Variants in ITGA2 observed in about 807,000 individuals in gnomAD.
The protein encoded by ITGA2 is integrin subunit alpha 2, also known as integrin alpha-2.
ITGA2 carries 101 observed loss-of-function variants against 146.3 expected under a neutral mutation model. The observed-to-expected ratio is 0.69, with a 90% CI of 0.59 to 0.81. The LOEUF is 0.81. Among genes scored for constraint, ITGA2 ranks in the 40% least tolerant of loss-of-function variants. ITGA2 has a pLI of 0.00. For synonymous variants in ITGA2, 477 were observed against 487.1 expected, an observed-to-expected ratio of 0.98 and a Z score of 0.27; for missense variants, 1,281 against 1,402.7, an observed-to-expected ratio of 0.91 and a Z score of 1.39.
intron 27 of ITGA2, among the ~76,000 whole-genome samples, chr5:53,084,463 A>G (rs1389517389): frequency 6.6e-6 from 1 of 152,172 alleles, no homozygotes; most frequent in Non-Finnish European, 1.5e-5. Context: ...CCCTGGAGTC[A>G]AATATAAGCA....
chr5:53,062,681 A>C, intron 12 of ITGA2, 105 bp from the exon 13 acceptor site: 1 of 1,265,408 alleles, frequency 7.9e-7, no homozygotes, highest in Non-Finnish European at 1.2e-6. Flanking sequence ...TGCAAATAGT[A>C]AACACTCAAT....
intron 16 of ITGA2, among the ~76,000 whole-genome samples, chr5:53,067,515 C>T (rs1307887967): frequency 6.6e-6 from 1 of 151,830 alleles, no homozygotes; most frequent in Non-Finnish European, 1.5e-5. Context: ...CTCCTGCTTC[C>T]ATCCTTTGAG....
chr5:53,070,382 A>C, intron 17 of ITGA2, 122 bp downstream of exon 17: 1 of 836,756 alleles, frequency 1.2e-6, no homozygotes. Flanking sequence ...TGCCTTTCTT[A>C]TGTAATTCCA....
chr5:53,075,383 T>C, intron 23 of ITGA2, 79 bp downstream of exon 23: 1 of 1,038,824 alleles, frequency 9.6e-7, no homozygotes, highest in South Asian at 1.3e-5. Flanking sequence ...GCTAAAGAAG[T>C]CCTCTGTATG....
rs755231189 is a variant in ITGA2 at position 53,075,078 on chromosome 5, CT to C, written c.2685del (p.Phe895LeufsTer19). On this transcript the variant is annotated frameshift_variant, in exon 22 of 30. Coordinates refer to ENST00000296585, the MANE Select transcript of ITGA2 (RefSeq NM_002203.4). LOFTEE classifies it high-confidence loss of function. ...REQQVTFTIN[F>X]DFNLQNLQNQ... is the part of the protein sequence containing the mutation. ...GTCTTTAGGTGACTTTTACTATTAACTTTGACTTCAATCTTCAAAACCTTCA... is the reference window on the plus strand; with the variant it reads ...GTCTTTAGGTGACTTTTACTATTAACTTGACTTCAATCTTCAAAACCTTCA... The C allele has an allele frequency of 1.2e-6, 2 of 1,610,632 alleles. No individual in the cohort carries two copies. Among genetic ancestry groups the C allele is most frequent in the Non-Finnish European group, 1.7e-6 (2 of 1,178,048 alleles).
chr5:53,039,582 A>C (rs900729351), intron 2 of ITGA2, among the ~76,000 whole-genome samples: 2 of 151,754 alleles, frequency 1.3e-5, no homozygotes, highest in African/African-American at 4.8e-5. Context: ...CCTACTAAAA[A>C]TACAAAAATT....
At chr5:53,087,649 A>G (rs899510562) in intron 28 of ITGA2, among the ~76,000 whole-genome samples, 1 of 151,420 alleles carries the variant, frequency 6.6e-6, no homozygotes, top group African/African-American at 2.4e-5. Flanking sequence ...AAGCTTTTAC[A>G]GAGAAATGTA....
chr5:52,998,245 A>G (rs1315811587), intron 1 of ITGA2, among the ~76,000 whole-genome samples: 1 of 152,066 alleles, frequency 6.6e-6, no homozygotes, highest in Non-Finnish European at 1.5e-5. Context: ...TGAGGTCAGG[A>G]GTTCAAGACC....
In ITGA2 at chr5:53,048,742, G is replaced by C; in HGVS notation, c.602G>C (p.Gly201Ala). 1 of 1,613,906 alleles carries C rather than the reference G, an allele frequency of 6.2e-7. No individual in the cohort carries two copies. Among genetic ancestry groups the C allele is most frequent in the Non-Finnish European group, 8.5e-7 (1 of 1,179,896 alleles). ...VKNFLEKFVQ[G>A]LDIGPTKTQV... Reference sequence around the variant, plus strand: ...AATTTTTTGGAAAAATTTGTACAAGGCCTGGATATAGGCCCCACAAAGACA... The same window carrying C: ...AATTTTTTGGAAAAATTTGTACAAGCCCTGGATATAGGCCCCACAAAGACA... Residue 201 changes from glycine to alanine, a missense_variant, in exon 6 of 30, where the codon GGC (glycine) becomes GCC (alanine). Transcript: ENST00000296585.
rs552389760 is a variant in ITGA2 at position 52,996,855 on chromosome 5, AT to A, written c.64+7324del. On this transcript the variant is annotated intron_variant, in intron 1 of 29. Transcript: ENST00000296585. ...ATCTAGTTTAATAAAGATCCCCAAA[AT>A]AATCTTGTTAGAAATAACAGTCTCA... Among the ~76,000 whole-genome samples the A allele has an allele frequency of 1.3e-4, 20 of 152,318 alleles. 1 individual carries two copies. In the East Asian group the frequency reaches 3.1e-3, roughly 24 times the overall value.
intron 1 of ITGA2, among the ~76,000 whole-genome samples, chr5:53,004,787 G>A (rs1006493135): frequency 6.7e-5 from 10 of 148,270 alleles, no homozygotes; most frequent in African/African-American, 2.5e-4. Flanking sequence ...TTGCTCTAAT[G>A]TTTTGTTTAA....
At position 53,048,478 on chromosome 5, in the gene ITGA2, G is replaced by C. The variant is rs748653916; in HGVS notation, c.502+1G>C. On this transcript the variant is annotated splice_donor_variant, in intron 5 of 29. Coordinates refer to ENST00000296585, the MANE Select transcript of ITGA2 (RefSeq NM_002203.4). LOFTEE classifies it high-confidence loss of function. ...GCCAGCTTCTCACCTGCAACTCAGCGTAAGTTATTAATGTGCAGATGGTCT... is the reference window on the plus strand; with the variant it reads ...GCCAGCTTCTCACCTGCAACTCAGCCTAAGTTATTAATGTGCAGATGGTCT... The C allele has an allele frequency of 6.2e-7, 1 of 1,613,660 alleles. No individual in the cohort carries two copies. Among genetic ancestry groups the C allele is most frequent in the South Asian group, 1.1e-5 (1 of 91,070 alleles).
chr5:53,046,934 T>C (rs1029231169), intron 4 of ITGA2, among the ~76,000 whole-genome samples: 3 of 152,140 alleles, frequency 2.0e-5, no homozygotes, highest in African/African-American at 7.2e-5. Flanking sequence ...AAAAAAATTT[T>C]GAATACTTCA....
At chr5:53,065,812 A>G in intron 14 of ITGA2, 29 bp from the exon 15 acceptor site, 4 of 1,611,394 alleles carry the variant, frequency 2.5e-6, no homozygotes, top group Non-Finnish European at 3.4e-6. Flanking sequence ...GTTGTGTACT[A>G]TAATTTCGTG....
intron 1 of ITGA2, among the ~76,000 whole-genome samples, chr5:53,005,580 CAAA>C (rs5867858): frequency 4.2e-4 from 57 of 137,280 alleles, no homozygotes; most frequent in Non-Finnish European, 5.5e-4. Context: ...GACTCTGTGT[CAAA>C]AAAAAAAAAA....
intron 17 of ITGA2, 149 bp from the exon 18 acceptor site, chr5:53,071,789 T>C: frequency 1.4e-6 from 1 of 695,042 alleles, no homozygotes; most frequent in Admixed American, 2.1e-5. Context: ...GAGTCTTGAT[T>C]ATTCACAACA....
At chr5:53,085,637 C>T (rs1746121618) in intron 27 of ITGA2, among the ~76,000 whole-genome samples, 1 of 152,052 alleles carries the variant, frequency 6.6e-6, no homozygotes, top group African/African-American at 2.4e-5. Context: ...AGAAAATTAA[C>T]AGTAACCAGA....
chr5:53,066,663 G>C (rs1394783528), intron 15 of ITGA2, among the ~76,000 whole-genome samples: 1 of 151,794 alleles, frequency 6.6e-6, no homozygotes, highest in Non-Finnish European at 1.5e-5. Flanking sequence ...TTATTTCTGA[G>C]TTTAATGATA....
intron 1 of ITGA2, among the ~76,000 whole-genome samples, chr5:53,000,165 A>G (rs1267754098): frequency 1.3e-5 from 2 of 152,218 alleles, no homozygotes; most frequent in Non-Finnish European, 2.9e-5. Flanking sequence ...GCACATAGAT[A>G]TAGTTCTTTT....
Sources: gnomAD v4.1 joint callset for allele counts (sites outside exome capture counted in the v4.1 genomes callset) on GRCh38, gnomAD v4.1.1 for gene constraint, MANE v1.5 for transcripts, NCBI Gene and HGNC (gene_info 2026-07-23, HGNC 2026-07-21) for gene names.